AP5Z1: variants seen among roughly 807,000 people sequenced by gnomAD.
AP5Z1 encodes the protein adaptor related protein complex 5 subunit zeta 1.
Under a neutral mutation model 83.0 loss-of-function variants are expected in AP5Z1, and 106 were observed. That is an observed-to-expected ratio of 1.28 (90% confidence interval 1.09 to 1.50). The LOEUF is 1.50. AP5Z1 is among the 40% of genes most tolerant of loss of function. AP5Z1 has a pLI of 0.00. For missense variants in AP5Z1, 1,565 were observed against 1,094.2 expected, an observed-to-expected ratio of 1.43 and a Z score of -6.07; for synonymous variants, 751 against 514.1, an observed-to-expected ratio of 1.46 and a Z score of -6.23.
intron 16 of AP5Z1, 32 bp downstream of exon 16, chr7:4,790,919 G>C (rs138083721): frequency 6.4e-7 from 1 of 1,551,420 alleles, no homozygotes; most frequent in Non-Finnish European, 8.7e-7. Flanking sequence ...GAAGCCTTCT[G>C]GCTCCTGGGG....
Position 4,785,542 on chromosome 7 carries a change from G to A in AP5Z1, c.990G>A (p.Leu330=). ...LQKACLVEAV[L]VLDVLCRQDP... is the part of the protein sequence containing the mutation. The stretch of plus-strand genomic sequence containing the variant: ...CGCAGTGCCTGGTGGAGGCCGTGCT[G>A]GTGCTGGACGTGCTGTGCCGGCAGG... The change falls in exon 9 of 17, where the codon CTG becomes CTA. Residue 330 remains leucine (L), a synonymous_variant. Coordinates refer to ENST00000649063, the MANE Select transcript of AP5Z1 (RefSeq NM_014855.3). The A allele has an allele frequency of 6.2e-7, 1 of 1,612,726 alleles. No homozygotes were observed.
chr7:4,788,353 T>TG (rs1781626784), intron 12 of AP5Z1, 59 bp downstream of exon 12: 1 of 1,504,608 alleles, frequency 6.6e-7, no homozygotes. Flanking sequence ...CCACAGCCAC[T>TG]GGGGTGGGGC....
intron 10 of AP5Z1, among the ~76,000 whole-genome samples, chr7:4,787,215 G>T (rs942162400): frequency 1.3e-5 from 2 of 152,100 alleles, no homozygotes; most frequent in Admixed American, 6.5e-5. Flanking sequence ...GATACAGGCT[G>T]GGGGCAGTGG....
intron 14 of AP5Z1, chr7:4,790,156 C>T (rs1472334739): frequency 4.0e-6 from 6 of 1,507,406 alleles, no homozygotes; most frequent in Non-Finnish European, 4.4e-6. Context: ...CTGTCCTCTT[C>T]AGGGTTAGCT....
chr7:4,782,313 G>C (rs576281016), intron 3 of AP5Z1, among the ~76,000 whole-genome samples: 1 of 152,252 alleles, frequency 6.6e-6, no homozygotes, highest in African/African-American at 2.4e-5. Flanking sequence ...TCCTTGGCCA[G>C]GAGTTTTTGC....
rs73305396 is a variant in AP5Z1, at chr7:4,792,890, C to T, written c.*1505C>T. 0.093 allele frequency: 14,165 copies of T among 152,452 alleles called. 1,551 individuals carry two copies. The highest frequency in any genetic ancestry group is 0.27 in the African/African-American group (11,128 of 41,560). 9.4% of individuals were successfully genotyped at this position (152,452 alleles called of 1,614,324 possible). A position where few individuals can be genotyped will look rare whatever the true frequency, so the allele number is the denominator to read the frequency against. ...TGTGGGGGCGCTGCTGGGCTCATCC[C>T]GAAGCTCAGAGAGCGTGGGGCTGCC... On this transcript the variant is annotated 3_prime_UTR_variant, in exon 17 of 17. Coordinates refer to ENST00000649063, the MANE Select transcript of AP5Z1 (RefSeq NM_014855.3).
At position 4,791,452 on chromosome 7, in the gene AP5Z1, G is replaced by A. The variant is rs1781770275; in HGVS notation, c.*67G>A. 19 of 1,514,124 alleles carry A rather than the reference G, an allele frequency of 1.3e-5. No individual in the cohort carries two copies. The highest frequency in any genetic ancestry group is 1.6e-5 in the Non-Finnish European group (18 of 1,126,430). 93.8% of individuals were successfully genotyped at this position (1,514,124 alleles called of 1,614,324 possible). A position where few individuals can be genotyped will look rare whatever the true frequency, so the allele number is the denominator to read the frequency against. ...GGCAGCCAGCTTGCTACTGAGGCCA[G>A]GCTGATAGGAGCTCAGGAGGGCGCG... On this transcript the variant is annotated 3_prime_UTR_variant, in exon 17 of 17. Transcript: ENST00000649063.
intron 4 of AP5Z1, 42 bp from the exon 5 acceptor site, chr7:4,783,647 A>G: frequency 6.5e-7 from 1 of 1,532,430 alleles, no homozygotes; most frequent in Non-Finnish European, 8.8e-7. Flanking sequence ...AGGCATCTGT[A>G]GGATTCAACC....
chr7:4,790,326 G>A (rs1380819000), intron 14 of AP5Z1, 133 bp from the exon 15 acceptor site: 1 of 1,553,966 alleles, frequency 6.4e-7, no homozygotes, highest in South Asian at 1.2e-5. Context: ...GCAGTCTTCT[G>A]TGTTCCTCTA....
At position 4,791,109 on chromosome 7, in the gene AP5Z1, C is replaced by A; in HGVS notation, c.2154-6C>A. On this transcript the variant is annotated splice_polypyrimidine_tract_variant and splice_region_variant and intron_variant, in intron 16 of 16. Coordinates refer to ENST00000649063, the MANE Select transcript of AP5Z1 (RefSeq NM_014855.3). Reference sequence around the variant, plus strand: ...TGCAGCTGACGGAGGGACCTTCTTTCCCCAGGGCCTCTTTATTGCTGTCAA... The same window carrying A: ...TGCAGCTGACGGAGGGACCTTCTTTACCCAGGGCCTCTTTATTGCTGTCAA... 1 of 1,578,606 alleles carries A rather than the reference C, an allele frequency of 6.3e-7. No individual in the cohort carries two copies. The highest frequency in any genetic ancestry group is 8.6e-7 in the Non-Finnish European group (1 of 1,161,652).
chr7:4,788,622 C>T lies in AP5Z1; in HGVS notation c.1596-218C>T, dbSNP rs895666746. ...TGGGACCGGCCACAGGCCTCCTGCCCTCAGCCCACGCCAGCCTTTGTCCCG... is the reference window on the plus strand; with the variant it reads ...TGGGACCGGCCACAGGCCTCCTGCCTTCAGCCCACGCCAGCCTTTGTCCCG... On this transcript the variant is annotated intron_variant, in intron 12 of 16. Transcript: ENST00000649063. The T allele has an allele frequency of 2.7e-5, 14 of 521,366 alleles. No homozygotes were observed. In the Admixed American group the frequency reaches 2.8e-4, roughly 11 times the overall value. 32.3% of individuals were successfully genotyped at this position (521,366 alleles called of 1,614,324 possible). A position where few individuals can be genotyped will look rare whatever the true frequency, so the allele number is the denominator to read the frequency against.
chr7:4,779,452 T>C (rs1781321445), intron 1 of AP5Z1, among the ~76,000 whole-genome samples: 1 of 147,482 alleles, frequency 6.8e-6, no homozygotes. Context: ...TAACATTATA[T>C]ATAACATATA....
chr7:4,789,855 CCAGCTGGCG>C lies in AP5Z1; in HGVS notation c.1733_1741del (p.Gln578_Ala580del). Reference sequence around the variant, plus strand: ...AGGTGGCTGACGGGTCCCTGATCAACCAGCTGGCGCTGCTGCTCCTGGGCAGGAGCGACT... The same window carrying C: ...AGGTGGCTGACGGGTCCCTGATCAACCTGCTGCTCCTGGGCAGGAGCGACT... On this transcript the variant is annotated inframe_deletion, in exon 14 of 17. Transcript: ENST00000649063. 4.5e-6 allele frequency: 7 copies of C among 1,552,618 alleles called. No homozygotes were observed. Among genetic ancestry groups the C allele is most frequent in the Non-Finnish European group, 6.1e-6 (7 of 1,148,226 alleles).
chr7:4,781,004 G>A (rs1234338306), intron 1 of AP5Z1, among the ~76,000 whole-genome samples, 171 bp from the exon 2 acceptor site: 1 of 152,206 alleles, frequency 6.6e-6, no homozygotes, highest in Non-Finnish European at 1.5e-5. Flanking sequence ...AGAGGAACCA[G>A]CTCAGGGAAT....
Position 4,786,420 on chromosome 7 carries a change from C to T in AP5Z1, c.1303C>T (p.Leu435Phe), listed in dbSNP as rs771938137. Residue 435 changes from leucine to phenylalanine, a missense_variant, in exon 10 of 17, where the codon CTC (leucine) becomes TTC (phenylalanine). Leu to Phe is a conservative substitution (Grantham distance 22). Coordinates refer to ENST00000649063, the MANE Select transcript of AP5Z1 (RefSeq NM_014855.3). Reference sequence around the variant, plus strand: ...CACCCTCAGATTGAGCTTCCCCAACCTCTTTAAGGTATATTTGGGCATCCC... The same window carrying T: ...CACCCTCAGATTGAGCTTCCCCAACTTCTTTAAGGTATATTTGGGCATCCC... Reference protein sequence around the residue: ...LSTLRLSFPNLFKFLAWNSPP... With the variant: ...LSTLRLSFPNFFKFLAWNSPP... 1.9e-6 allele frequency: 3 copies of T among 1,613,716 alleles called. No homozygotes were observed. The highest frequency in any genetic ancestry group is 2.7e-5 in the African/African-American group (2 of 74,936).
At position 4,785,726 on chromosome 7, in the gene AP5Z1, C is replaced by T. The variant is rs1287588832; in HGVS notation, c.1132+42C>T. 5 of 1,383,390 alleles carry T rather than the reference C, an allele frequency of 3.6e-6. No individual in the cohort carries two copies. The South Asian group carries it at 6.5e-5, about 18-fold the overall frequency. 85.7% of individuals were successfully genotyped at this position (1,383,390 alleles called of 1,614,324 possible). ...GTGGCGCTGACTCGGGGCTCTGCTT[C>T]TGCCTTTAGTTTTAGGATGGAATTT... On this transcript the variant is annotated intron_variant, in intron 9 of 16. Transcript: ENST00000649063.
chr7:4,787,061 C>T (rs374130295), intron 10 of AP5Z1, among the ~76,000 whole-genome samples: 40 of 152,000 alleles, frequency 2.6e-4, no homozygotes, highest in Admixed American at 5.9e-4. Flanking sequence ...CATGAGCCAC[C>T]GCACCCGGCC....
chr7:4,784,332 C>T lies in AP5Z1; in HGVS notation c.751C>T (p.Leu251=). 1 of 1,600,214 alleles carries T rather than the reference C, an allele frequency of 6.2e-7. No individual in the cohort carries two copies. The highest frequency in any genetic ancestry group is 1.1e-5 in the South Asian group (1 of 89,052). The part of the protein sequence containing the change: ...QAFSMLRAWL[L]HSGPEGPGTL... The stretch of plus-strand genomic sequence containing the variant: ...CTTCTCTATGCTGCGGGCGTGGCTG[C>T]TGCACAGCGGCCCCGAGGGCCCGGG... Residue 251 remains leucine (L), a synonymous_variant, in exon 6 of 17, where the codon CTG becomes TTG. Transcript: ENST00000649063.
chr7:4,775,669 G>T lies in AP5Z1; in HGVS notation c.-47G>T, dbSNP rs758255753. On this transcript the variant is annotated 5_prime_UTR_variant, in exon 1 of 17. Transcript: ENST00000649063. ...CGGGGTGCGGAGCTCCTGGGCTGCA[G>T]CTCCTGGAGTTTCCGAGGTTCGTGC... 3.7e-6 allele frequency: 6 copies of T among 1,604,756 alleles called. No individual in the cohort carries two copies. The South Asian group carries it at 6.6e-5, about 18-fold the overall frequency.
Sources: allele counts gnomAD v4.1 joint callset (sites outside exome capture counted in the v4.1 genomes callset), GRCh38; gene constraint gnomAD v4.1.1; transcripts MANE v1.5; gene names NCBI Gene and HGNC (gene_info 2026-07-23, HGNC 2026-07-21).